The following DLD variants were observed in gnomAD, a reference collection of about 807,000 sequenced individuals.
DLD encodes dihydrolipoyl dehydrogenase, mitochondrial.
Under a neutral mutation model 62.2 loss-of-function variants are expected in DLD, and 36 were observed. The ratio of observed to expected loss-of-function variants is 0.58; its 90% CI spans 0.44 to 0.76. The LOEUF (loss-of-function observed/expected upper bound fraction) is 0.76. Among genes scored for constraint, DLD ranks in the 30% least tolerant of loss-of-function variants. The pLI is 0.00. For synonymous variants in DLD, 204 were observed against 199.6 expected (o/e 1.02, Z -0.19); for missense variants, 541 against 608.6 (o/e 0.89, Z 1.17).
intron 9 of DLD, 24 bp downstream of exon 9, chr7:107,915,720 G>T: frequency 1.2e-6 from 2 of 1,603,432 alleles, no homozygotes; most frequent in African/African-American, 1.3e-5. Flanking sequence ...ATTTGTTTTT[G>T]ATGTATCATC....
intron 7 of DLD, 39 bp from the exon 8 acceptor site, chr7:107,906,228 T>C: frequency 7.3e-7 from 1 of 1,369,980 alleles, no homozygotes; most frequent in Non-Finnish European, 1.0e-6. Context: ...ACTAGGTTTT[T>C]TCAAATTATT....
In DLD at chr7:107,893,298, A is replaced by AT. The variant is rs2031637519; in HGVS notation, c.118+27dup. ...AGCCGAGTAAGTACTTAAGTAAAACATTTTTTTCATCACATTAGCTGACAG... is the reference window on the plus strand; with the variant it reads ...AGCCGAGTAAGTACTTAAGTAAAACATTTTTTTTCATCACATTAGCTGACAG... On this transcript the variant is annotated intron_variant, in intron 2 of 13. Transcript: ENST00000205402. The AT allele has an allele frequency of 1.9e-6, 3 of 1,590,584 alleles. No homozygotes were observed. The highest frequency in any genetic ancestry group is 2.6e-6 in the Non-Finnish European group (3 of 1,161,350).
chr7:107,891,211 G>C lies in DLD; in HGVS notation c.-40G>C. 1 of 1,613,360 alleles carries C rather than the reference G, an allele frequency of 6.2e-7. No homozygotes were observed. Among genetic ancestry groups the C allele is most frequent in the Non-Finnish European group, 8.5e-7 (1 of 1,179,338 alleles). ...GGCGGAGCGGCGGAGGCGCCCAGCGGAGGTGAAAGTATTGGCGGAAAGGAA... is the reference window on the plus strand; with the variant it reads ...GGCGGAGCGGCGGAGGCGCCCAGCGCAGGTGAAAGTATTGGCGGAAAGGAA... On this transcript the variant is annotated 5_prime_UTR_variant, in exon 1 of 14. Transcript: ENST00000205402.
chr7:107,907,303 T>C (rs2116229701), intron 8 of DLD, among the ~76,000 whole-genome samples: 1 of 152,324 alleles, frequency 6.6e-6, no homozygotes, highest in African/African-American at 2.4e-5. Flanking sequence ...TATTAATTCT[T>C]GGCACAAACC....
Position 107,891,435 on chromosome 7 carries a change from A to C in DLD, c.39+146A>C, listed in dbSNP as rs547831587. On this transcript the variant is annotated intron_variant, in intron 1 of 13. Transcript: ENST00000205402. Reference sequence around the variant, plus strand: ...CCTGGCCCCGCCTCTGCACTGGCTCAGCCCGGCCCTGGGCTCCGAGGTGGC... The same window carrying C: ...CCTGGCCCCGCCTCTGCACTGGCTCCGCCCGGCCCTGGGCTCCGAGGTGGC... 2.9e-5 allele frequency: 26 copies of C among 891,120 alleles called. No homozygotes were observed. In the East Asian group the frequency reaches 6.6e-4, roughly 23 times the overall value. The allele number at this position is 891,120 out of a possible 1,614,324, so 55.2% of individuals were successfully genotyped here.
At chr7:107,891,681 A>G (rs1297203960) in intron 1 of DLD, 2 of 323,142 alleles carry the variant, frequency 6.2e-6, no homozygotes, top group Non-Finnish European at 1.2e-5. Context: ...CCTAATTCTG[A>G]TCCCTGAGTG....
rs780911500 is a variant in DLD, at chr7:107,917,471, G to A, written c.1236+9G>A. On this transcript the variant is annotated intron_variant, in intron 11 of 13. Coordinates refer to ENST00000205402, the MANE Select transcript of DLD (RefSeq NM_000108.5). ...AGCAGTTGAAAGAAGAGGTAAGTCT[G>A]AACATGGGTGGTTTTAAGCCAATGT... is the stretch of plus-strand genomic sequence containing the variant. 2.9e-5 allele frequency: 46 copies of A among 1,613,924 alleles called. No individual in the cohort carries two copies. Among genetic ancestry groups the A allele is most frequent in the Non-Finnish European group, 3.7e-5 (44 of 1,179,956 alleles).
At chr7:107,913,992 G>T (rs2116257463) in intron 8 of DLD, among the ~76,000 whole-genome samples, 1 of 152,170 alleles carries the variant, frequency 6.6e-6, no homozygotes, top group Admixed American at 6.5e-5. Flanking sequence ...TATGGTTTTT[G>T]TTCTTGGTTC....
At chr7:107,902,081 T>A (rs1044339905) in intron 3 of DLD, among the ~76,000 whole-genome samples, 3 of 151,504 alleles carry the variant, frequency 2.0e-5, no homozygotes, top group Non-Finnish European at 4.4e-5. Flanking sequence ...GTGATAGAAC[T>A]AAAAGCATAT....
At chr7:107,897,574 C>CTTTTT (rs35546358) in intron 2 of DLD, among the ~76,000 whole-genome samples, 13 of 111,350 alleles carry the variant, frequency 1.2e-4, no homozygotes, top group African/African-American at 3.8e-4. Flanking sequence ...TGTAGACTGA[C>CTTTTT]TTTTTTTTTT....
chr7:107,911,759 T>TA (rs1165656653), intron 8 of DLD, among the ~76,000 whole-genome samples: 3 of 152,150 alleles, frequency 2.0e-5, no homozygotes, highest in Non-Finnish European at 2.9e-5. Flanking sequence ...GTACATGTGA[T>TA]AATTTGATAT....
intron 1 of DLD, 168 bp downstream of exon 1, chr7:107,891,457 T>G: frequency 1.4e-6 from 1 of 731,632 alleles, no homozygotes. Flanking sequence ...GGCTCCGAGG[T>G]GGCCGCTCAT....
intron 1 of DLD, among the ~76,000 whole-genome samples, chr7:107,892,638 C>G (rs1200381833): frequency 6.6e-6 from 1 of 152,130 alleles, no homozygotes; most frequent in Non-Finnish European, 1.5e-5. Flanking sequence ...TTCCGCCTCC[C>G]GGGTTCAAGT....
chr7:107,910,805 A>G (rs562826408), intron 8 of DLD, among the ~76,000 whole-genome samples: 6 of 152,302 alleles, frequency 3.9e-5, no homozygotes, highest in South Asian at 2.1e-4. Flanking sequence ...TTTCCTATCT[A>G]TAAGTATTTT....
At chr7:107,912,046 GT>G (rs1000165051) in intron 8 of DLD, among the ~76,000 whole-genome samples, 74 of 141,238 alleles carry the variant, frequency 5.2e-4, no homozygotes, top group East Asian at 1.0e-3. Context: ...CAGTTTGTTT[GT>G]TTTTTTTTTT....
chr7:107,895,929 G>A (rs1385671300), intron 2 of DLD, among the ~76,000 whole-genome samples: 1 of 152,182 alleles, frequency 6.6e-6, no homozygotes, highest in Non-Finnish European at 1.5e-5. Context: ...GCCTAAAGTA[G>A]TGTTTGTAAT....
At chr7:107,893,153 T>A (rs775855092) in intron 1 of DLD, 47 bp from the exon 2 acceptor site, 1 of 1,505,660 alleles carries the variant, frequency 6.6e-7, no homozygotes, top group South Asian at 1.1e-5. Context: ...AGTAGTTCTA[T>A]GTTTTGAATT....
chr7:107,919,345 C>A lies in DLD; in HGVS notation c.*86C>A. 1 of 1,105,946 alleles carries A rather than the reference C, an allele frequency of 9.0e-7. No individual in the cohort carries two copies. Among genetic ancestry groups the A allele is most frequent in the South Asian group, 1.3e-5 (1 of 74,350 alleles). The allele number at this position is 1,105,946 out of a possible 1,614,324, so 68.5% of individuals were successfully genotyped here. On this transcript the variant is annotated 3_prime_UTR_variant, in exon 14 of 14. Transcript: ENST00000205402. ...TCCTGAACAGGATATTCTCACAGCT[C>A]CAAGAATTTCTAGGACTGAATTATG... is the stretch of plus-strand genomic sequence containing the variant.
At chr7:107,891,396 T>C in intron 1 of DLD, 107 bp downstream of exon 1, 2 of 1,277,512 alleles carry the variant, frequency 1.6e-6, no homozygotes, top group Non-Finnish European at 2.2e-6. Context: ...GGCGGGCGCC[T>C]GGGCCGCACC....
Sources: allele counts gnomAD v4.1 joint callset (sites outside exome capture counted in the v4.1 genomes callset), GRCh38; gene constraint gnomAD v4.1.1; transcripts MANE v1.5; gene names NCBI Gene and HGNC (gene_info 2026-07-23, HGNC 2026-07-21).